Variants in SLC28A1 observed in about 807,000 individuals in gnomAD.
The protein encoded by SLC28A1 is solute carrier family 28 member 1.
Under a neutral mutation model 74.8 loss-of-function variants are expected in SLC28A1, and 64 were observed. That is an observed-to-expected ratio of 0.86 (90% CI 0.70 to 1.05). The LOEUF (loss-of-function observed/expected upper bound fraction) is 1.05. Ranked by LOEUF, SLC28A1 falls within the 50% of genes least tolerant of loss-of-function variation. SLC28A1 has a pLI of 0.00. For missense variants in SLC28A1, 828 were observed against 822.8 expected, an observed-to-expected ratio of 1.01 and a Z score of -0.08; for synonymous variants, 359 against 335.0, an observed-to-expected ratio of 1.07 and a Z score of -0.78.
rs190787227 is a variant in SLC28A1 at position 84,923,922 on chromosome 15, T to C, written c.958-63T>C. The C allele has an allele frequency of 3.0e-5, 48 of 1,611,588 alleles. No homozygotes were observed. The East Asian group carries it at 9.8e-4, about 33-fold the overall frequency. On this transcript the variant is annotated intron_variant, in intron 11 of 18. Coordinates refer to ENST00000394573, the MANE Select transcript of SLC28A1 (RefSeq NM_004213.5). ...ACTCCCAGCTGCTCACTGTGACCTG[T>C]GAAGGGAGAGGATGTGCCCAATCAC...
chr15:84,925,348 A>G (rs1021983450), intron 12 of SLC28A1, among the ~76,000 whole-genome samples: 3 of 152,028 alleles, frequency 2.0e-5, no homozygotes, highest in Non-Finnish European at 4.4e-5. Context: ...GCTGAATCAG[A>G]AACGATGGGG....
At chr15:84,895,880 C>T in intron 6 of SLC28A1, 1 of 1,026,762 alleles carries the variant, frequency 9.7e-7, no homozygotes. Context: ...CAGGGGGATG[C>T]AGGGGTACAG....
At position 84,902,479 on chromosome 15, in the gene SLC28A1, C is replaced by CAA. The variant is rs34784696; in HGVS notation, c.462-1606_462-1605dup. 6.7e-3 allele frequency among the ~76,000 whole-genome samples: 946 copies of CAA among 141,960 alleles called. 6 individuals carry two copies. The highest frequency in any genetic ancestry group is 0.021 in the South Asian group (94 of 4,494). 93.1% of individuals were successfully genotyped at this position (141,960 alleles called of 152,430 possible). On this transcript the variant is annotated intron_variant, in intron 6 of 18. Transcript: ENST00000394573. ...TGAGCAATGGAATGAGACTTTGTCT[C>CAA]AAAAAAAAAAAAATGCAGACTAATC...
intron 12 of SLC28A1, among the ~76,000 whole-genome samples, chr15:84,930,195 C>T (rs1042945747): frequency 1.3e-5 from 2 of 152,218 alleles, no homozygotes; most frequent in African/African-American, 2.4e-5. Flanking sequence ...ATCTACAAGT[C>T]AGAGGAAGGG....
At chr15:84,928,531 T>G (rs71408846) in intron 12 of SLC28A1, among the ~76,000 whole-genome samples, 24,739 of 41,828 alleles carry the variant, frequency 0.59, 4,968 homozygotes, top group Middle Eastern at 0.69. Flanking sequence ...TCGTTCGTTC[T>G]TTCTTTCTTT....
intron 14 of SLC28A1, 32 bp downstream of exon 14, chr15:84,935,226 G>C: frequency 6.2e-7 from 1 of 1,613,538 alleles, no homozygotes; most frequent in Non-Finnish European, 8.5e-7. Context: ...TCAGTCTGTA[G>C]AGAGGATGGC....
At chr15:84,935,599 C>T (rs772143314) in intron 15 of SLC28A1, 81 bp downstream of exon 15, 35 of 1,242,830 alleles carry the variant, frequency 2.8e-5, no homozygotes, top group Non-Finnish European at 3.8e-5. Context: ...GCTGCTCTCC[C>T]GCTCCCTGGG....
chr15:84,908,891 G>A, intron 9 of SLC28A1, 96 bp downstream of exon 9: 1 of 1,011,732 alleles, frequency 9.9e-7, no homozygotes, highest in East Asian at 2.4e-5. Context: ...CCAGGTGGAG[G>A]GGAGGAGTCC....
intron 8 of SLC28A1, among the ~76,000 whole-genome samples, chr15:84,906,794 A>C (rs771829691): frequency 3.9e-5 from 6 of 151,994 alleles, no homozygotes; most frequent in African/African-American, 7.2e-5. Context: ...ACATAAAATC[A>C]ACCATTTTAA....
chr15:84,886,523 G>A, intron 1 of SLC28A1, 149 bp from the exon 2 acceptor site: 6 of 985,798 alleles, frequency 6.1e-6, no homozygotes, highest in Non-Finnish European at 7.2e-6. Flanking sequence ...GGCAGGAGCT[G>A]CAGGGAGCCA....
At chr15:84,934,889 C>G in intron 13 of SLC28A1, 137 bp from the exon 14 acceptor site, 4 of 776,674 alleles carry the variant, frequency 5.2e-6, no homozygotes, top group South Asian at 4.3e-5. Context: ...GCCCCTTTTT[C>G]TCTCTGGGTC....
In SLC28A1 at chr15:84,904,159, G is replaced by A. The variant is rs755383435; in HGVS notation, c.524G>A (p.Arg175Gln). 32 of 1,614,156 alleles carry A rather than the reference G, an allele frequency of 2.0e-5. No homozygotes were observed. The highest frequency in any genetic ancestry group is 1.4e-4 in the South Asian group (13 of 91,078). ...VLWLSLDTSQ[R>Q]PEQLVSFAGI... The stretch of plus-strand genomic sequence containing the variant: ...TGGCTGTCTCTGGACACCTCCCAGC[G>A]GCCTGAGCAACTGGTGTCCTTCGCA... The change falls in exon 7 of 19, where the codon CGG becomes CAG. Residue 175 changes from arginine to glutamine, a missense_variant. Physicochemically the swap from Arg to Gln is conservative, Grantham distance 43. Transcript: ENST00000394573.
rs367981393 is a variant in SLC28A1, at chr15:84,905,657, G to A, written c.717+5G>A. 6.3e-7 allele frequency: 1 copy of A among 1,598,904 alleles called. No individual in the cohort carries two copies. Among genetic ancestry groups the A allele is most frequent in the African/African-American group, 1.3e-5 (1 of 74,632 alleles). ...TGGCTGGGCGAGCAGATCCGGGTAG[G>A]TATGTGGGGTCTGGCTGCCCAGAGC... On this transcript the variant is annotated splice_donor_5th_base_variant and intron_variant, in intron 8 of 18. Coordinates refer to ENST00000394573, the MANE Select transcript of SLC28A1 (RefSeq NM_004213.5).
chr15:84,930,641 G>C (rs1002194442), intron 12 of SLC28A1, among the ~76,000 whole-genome samples: 2 of 126,234 alleles, frequency 1.6e-5, no homozygotes, highest in African/African-American at 6.2e-5. Flanking sequence ...TTTTTGAGAT[G>C]GAGTCTCACT....
chr15:84,923,139 T>C lies in SLC28A1; in HGVS notation c.958-846T>C, dbSNP rs532030968. ...TTTTAGTTGAGACAGGGTTTCACCA[T>C]GTTGGCCAGGCTGGTCTGGAACTCC... On this transcript the variant is annotated intron_variant, in intron 11 of 18. Transcript: ENST00000394573. Among the ~76,000 whole-genome samples, 4 of 152,214 alleles carry C rather than the reference T, an allele frequency of 2.6e-5. No homozygotes were observed. The East Asian group carries it at 7.7e-4, about 29-fold the overall frequency.
At chr15:84,966,732 A>G in the SLC28A1 span, among the ~76,000 whole-genome samples, 3 of 152,178 alleles carry the variant, frequency 2.0e-5, no homozygotes, top group South Asian at 2.1e-4. Flanking sequence ...TTCTAAAACC[A>G]TCAGATCGTG....
chr15:84,884,710 G>C lies in SLC28A1; in HGVS notation c.-174G>C. The stretch of plus-strand genomic sequence containing the variant: ...GCACTGCATGGTTGCTGCTGGATGT[G>C]TTGTGTTCCTGGCTTCCCTCTGGAT... On this transcript the variant is annotated 5_prime_UTR_variant, in exon 1 of 19. Transcript: ENST00000394573. 1 of 985,760 alleles carries C rather than the reference G, an allele frequency of 1.0e-6. No individual in the cohort carries two copies. The highest frequency in any genetic ancestry group is 1.2e-6 in the Non-Finnish European group (1 of 830,072). The allele number at this position is 985,760 out of a possible 1,614,324, so 61.1% of individuals were successfully genotyped here.
Position 84,918,617 on chromosome 15 carries a change from T to C in SLC28A1, c.876+13T>C. The C allele has an allele frequency of 6.3e-7, 1 of 1,593,394 alleles. No homozygotes were observed. Among genetic ancestry groups the C allele is most frequent in the Non-Finnish European group, 8.6e-7 (1 of 1,161,282 alleles). On this transcript the variant is annotated intron_variant, in intron 10 of 18. Transcript: ENST00000394573. ...GGTGATCCTGAAGGTAAGTTCCCAG[T>C]GCCCATGGCCAGGGCTCTCCCAGAG... is the stretch of plus-strand genomic sequence containing the variant.
intron 15 of SLC28A1, among the ~76,000 whole-genome samples, chr15:84,942,120 C>G (rs1283860704): frequency 6.6e-6 from 1 of 151,968 alleles, no homozygotes; most frequent in Non-Finnish European, 1.5e-5. Context: ...AGGGGAGGCT[C>G]TATACCAATT....
Sources: allele counts gnomAD v4.1 joint callset (sites outside exome capture counted in the v4.1 genomes callset), GRCh38; gene constraint gnomAD v4.1.1; transcripts MANE v1.5; gene names NCBI Gene and HGNC (gene_info 2026-07-23, HGNC 2026-07-21).